The following TSNARE1 variants were observed in gnomAD, a reference collection of about 807,000 sequenced individuals.
TSNARE1 encodes the protein t-SNARE domain containing 1, also known as t-SNARE domain-containing protein 1.
In TSNARE1, 49 loss-of-function variants were observed where a neutral mutation model predicts 62.0. That is an observed-to-expected ratio of 0.79 (90% confidence interval 0.63 to 1.00). The LOEUF (loss-of-function observed/expected upper bound fraction) is 1.00, where lower values mean the gene tolerates loss of function less well. Among genes scored for constraint, TSNARE1 ranks in the 50% least tolerant of loss-of-function variants. The pLI, the probability that TSNARE1 is intolerant of heterozygous loss-of-function variation, is 0.00. For missense variants in TSNARE1, 755 were observed against 700.1 expected (o/e 1.08, Z -0.88); for synonymous variants, 328 against 294.4 (o/e 1.11, Z -1.17).
At chr8:142,239,512 G>T (rs1817587804) in intron 12 of TSNARE1, among the ~76,000 whole-genome samples, 1 of 152,216 alleles carries the variant, frequency 6.6e-6, no homozygotes. Context: ...CATTTCAAGG[G>T]AAACAAATAC....
At chr8:142,219,136 G>C (rs1355187791) in intron 13 of TSNARE1, among the ~76,000 whole-genome samples, 1 of 152,096 alleles carries the variant, frequency 6.6e-6, no homozygotes, top group Non-Finnish European at 1.5e-5. Flanking sequence ...TCACCTCCTG[G>C]GTGGTGCTTC....
At chr8:142,346,761 CA>C (rs1281190280) in intron 2 of TSNARE1, among the ~76,000 whole-genome samples, 1 of 152,242 alleles carries the variant, frequency 6.6e-6, no homozygotes, top group African/African-American at 2.4e-5. Context: ...CCCAGGGCTG[CA>C]TCCTTGAGCC....
At chr8:142,253,774 T>G (rs1245191984) in intron 12 of TSNARE1, among the ~76,000 whole-genome samples, 1 of 152,168 alleles carries the variant, frequency 6.6e-6, no homozygotes, top group African/African-American at 2.4e-5. Context: ...GGCTGGTCAG[T>G]GGGAACGCGT....
intron 9 of TSNARE1, among the ~76,000 whole-genome samples, chr8:142,305,053 G>A (rs948317176): frequency 3.9e-5 from 6 of 152,156 alleles, no homozygotes; most frequent in South Asian, 2.1e-4. Flanking sequence ...GCCTGCCCTC[G>A]GCCCTGACAG....
intron 1 of TSNARE1, among the ~76,000 whole-genome samples, chr8:142,374,232 G>C (rs1836136488): frequency 1.3e-5 from 2 of 151,914 alleles, no homozygotes; most frequent in African/African-American, 4.8e-5. Context: ...TGAACCCAGG[G>C]AGGCGGAGGT....
chr8:142,227,006 C>T lies in TSNARE1; in HGVS notation c.*11+2467G>A, dbSNP rs866043321. 1.6e-4 allele frequency among the ~76,000 whole-genome samples: 21 copies of T among 128,898 alleles called. 1 individual carries two copies. Among genetic ancestry groups the T allele is most frequent in the African/African-American group, 7.7e-4 (18 of 23,486 alleles). 84.6% of individuals were successfully genotyped at this position (128,898 alleles called of 152,430 possible). A position where few individuals can be genotyped will look rare whatever the true frequency, so the allele number is the denominator to read the frequency against. ...AAGGCCCCCCACTGCACCCACACAG[C>T]AGTGACAGCCAAGCCCCCCACTGCA... On this transcript the variant is annotated intron_variant, in intron 13 of 13. Transcript: ENST00000524325.
At chr8:142,303,870 C>T (rs1057293290) in intron 9 of TSNARE1, among the ~76,000 whole-genome samples, 4 of 152,190 alleles carry the variant, frequency 2.6e-5, no homozygotes, top group Non-Finnish European at 5.9e-5. Flanking sequence ...CCAACAGCCA[C>T]AGCACCGGCC....
At chr8:142,318,212 G>T (rs1043262947) in intron 7 of TSNARE1, among the ~76,000 whole-genome samples, 4 of 152,192 alleles carry the variant, frequency 2.6e-5, no homozygotes, top group Non-Finnish European at 4.4e-5. Context: ...AGAGGATGGT[G>T]AAACAAACAA....
At chr8:142,314,510 C>T in intron 8 of TSNARE1, 70 bp from the exon 9 acceptor site, 1 of 1,361,936 alleles carries the variant, frequency 7.3e-7, no homozygotes, top group Admixed American at 1.9e-5. Flanking sequence ...AAGAAATGGT[C>T]AGCTGAGTGC....
In TSNARE1 at chr8:142,222,557, C is replaced by G. The variant is rs1816395442; in HGVS notation, c.*11+6916G>C. On this transcript the variant is annotated intron_variant, in intron 13 of 13. Transcript: ENST00000524325. ...TCACTCACTCATTCACTCACTCACTCACTCATTCACTCACTCAGCCACTCA... is the reference window on the plus strand; with the variant it reads ...TCACTCACTCATTCACTCACTCACTGACTCATTCACTCACTCAGCCACTCA... 1.4e-5 allele frequency among the ~76,000 whole-genome samples: 2 copies of G among 138,986 alleles called. 1 individual carries two copies. Among genetic ancestry groups the G allele is most frequent in the Non-Finnish European group, 3.1e-5 (2 of 64,376 alleles). The allele number at this position is 138,986 out of a possible 152,430, so 91.2% of individuals were successfully genotyped here.
chr8:142,231,454 A>C (rs955416231), intron 12 of TSNARE1, among the ~76,000 whole-genome samples: 1 of 152,102 alleles, frequency 6.6e-6, no homozygotes, highest in Admixed American at 6.5e-5. Context: ...CCAAGAGTGA[A>C]TCAGACAAAG....
intron 1 of TSNARE1, among the ~76,000 whole-genome samples, chr8:142,366,316 G>A (rs1042315176): frequency 1.3e-5 from 2 of 152,096 alleles, no homozygotes; most frequent in Admixed American, 1.3e-4. Flanking sequence ...CTTTTATGAA[G>A]CATGTATAAC....
intron 1 of TSNARE1, among the ~76,000 whole-genome samples, chr8:142,360,686 G>A (rs1044987025): frequency 6.6e-6 from 1 of 152,152 alleles, no homozygotes; most frequent in South Asian, 2.1e-4. Context: ...CTGTTTGCAG[G>A]GCGCCGGGGG....
chr8:142,282,132 G>T (rs955109503), intron 11 of TSNARE1, among the ~76,000 whole-genome samples: 1 of 152,218 alleles, frequency 6.6e-6, no homozygotes, highest in Non-Finnish European at 1.5e-5. Context: ...GGCTTGCGGT[G>T]CAGCCCCTCT....
At chr8:142,276,565 G>A (rs1820535459) in intron 11 of TSNARE1, 2 of 985,328 alleles carry the variant, frequency 2.0e-6, no homozygotes, top group South Asian at 4.7e-5. Context: ...GGCCATGGTG[G>A]TCTGGGCTAA....
intron 13 of TSNARE1, among the ~76,000 whole-genome samples, chr8:142,227,348 T>G (rs1410525003): frequency 9.7e-6 from 1 of 103,626 alleles, no homozygotes. Flanking sequence ...ACCCCCATCC[T>G]GCCCATAGCC....
At chr8:142,307,801 T>C (rs1826931800) in intron 9 of TSNARE1, among the ~76,000 whole-genome samples, 1 of 152,134 alleles carries the variant, frequency 6.6e-6, no homozygotes, top group Non-Finnish European at 1.5e-5. Flanking sequence ...TCTCGAACAG[T>C]GTTCCAAAGT....
intron 1 of TSNARE1, among the ~76,000 whole-genome samples, chr8:142,399,921 G>T (rs534472608): frequency 6.6e-6 from 1 of 152,254 alleles, no homozygotes; most frequent in Admixed American, 6.5e-5. Context: ...GGAGCCAGAC[G>T]CCATGACTCA....
At position 142,218,082 on chromosome 8, in the gene TSNARE1, G is replaced by T. The variant is rs557099038; in HGVS notation, c.*12-5769C>A. The stretch of plus-strand genomic sequence containing the variant: ...AGAGTGTGAGCAGGATCAGGGTTCA[G>T]AGAGTGGCCAGGTCAGGGCTCAGTG... On this transcript the variant is annotated intron_variant, in intron 13 of 13. Coordinates refer to ENST00000524325, the MANE Select transcript of TSNARE1 (RefSeq NM_145003.5). Among the ~76,000 whole-genome samples, 45 of 74,346 alleles carry T rather than the reference G, an allele frequency of 6.1e-4. 9 individuals are homozygous for T. Among genetic ancestry groups the T allele is most frequent in the African/African-American group, 2.9e-3 (45 of 15,420 alleles). 48.8% of individuals were successfully genotyped at this position (74,346 alleles called of 152,430 possible).
Sources: allele counts gnomAD v4.1 joint callset (sites outside exome capture counted in the v4.1 genomes callset), GRCh38; gene constraint gnomAD v4.1.1; transcripts MANE v1.5; gene names NCBI Gene and HGNC (gene_info 2026-07-23, HGNC 2026-07-21).